NRG3: variants seen among roughly 807,000 people sequenced by gnomAD.
The protein encoded by NRG3 is neuregulin 3.
NRG3 carries 31 observed loss-of-function variants against 66.9 expected under a neutral mutation model. The ratio of observed to expected loss-of-function variants is 0.46; its 90% CI spans 0.35 to 0.63. The LOEUF is 0.63. NRG3 is among the 20% of genes least tolerant of loss of function. The pLI, the probability that NRG3 is intolerant of heterozygous loss-of-function variation, is 0.00. For synonymous variants in NRG3, 393 were observed against 359.4 expected (o/e 1.09, Z -1.06); for missense variants, 910 against 878.9 (o/e 1.04, Z -0.45).
intron 2 of NRG3, among the ~76,000 whole-genome samples, chr10:82,405,009 G>C (rs984746146): frequency 1.3e-5 from 2 of 152,038 alleles, no homozygotes; most frequent in Non-Finnish European, 2.9e-5. Flanking sequence ...TTAGGAGCTG[G>C]GTCTAGAGTG....
At chr10:82,353,461 C>G (rs1391144728) in intron 1 of NRG3, among the ~76,000 whole-genome samples, 1 of 152,146 alleles carries the variant, frequency 6.6e-6, no homozygotes, top group African/African-American at 2.4e-5. Flanking sequence ...AATTCACCAC[C>G]ACCACCTCTC....
In NRG3 at chr10:82,985,481, A is replaced by C. The variant is rs201062015; in HGVS notation, c.1967A>C (p.Glu656Ala). ...RSEDYELASVETEDSASENTA... is the reference protein window; with the variant it reads ...RSEDYELASVATEDSASENTA... ...GAAGACTACGAACTGGCCAGCGTAG[A>C]AACCGAGGACAGTGCAAGCGAAAAC... The change falls in exon 9 of 9, where the codon GAA becomes GCA. Residue 656 changes from glutamate to alanine, a missense_variant. By Grantham distance (107) the Glu-to-Ala change is moderately radical. Coordinates refer to ENST00000372141, the MANE Select transcript of NRG3 (RefSeq NM_001010848.4). The C allele has an allele frequency of 6.2e-7, 1 of 1,614,110 alleles. No individual in the cohort carries two copies. The highest frequency in any genetic ancestry group is 8.5e-7 in the Non-Finnish European group (1 of 1,180,010).
At chr10:82,963,155 C>G (rs1160786423) in intron 6 of NRG3, among the ~76,000 whole-genome samples, 4 of 152,114 alleles carry the variant, frequency 2.6e-5, no homozygotes, top group African/African-American at 7.2e-5. Context: ...AATCTCAAGC[C>G]TACCTAAAGG....
chr10:82,434,688 G>T (rs1450619938), intron 2 of NRG3, among the ~76,000 whole-genome samples: 3 of 152,064 alleles, frequency 2.0e-5, no homozygotes, highest in African/African-American at 7.2e-5. Context: ...GGCTTTTTCT[G>T]CATCTATTGA....
At chr10:82,588,709 G>A (rs2046816044) in intron 2 of NRG3, among the ~76,000 whole-genome samples, 1 of 152,040 alleles carries the variant, frequency 6.6e-6, no homozygotes, top group South Asian at 2.1e-4. Context: ...CACTGTGTTA[G>A]CCAGGATGGT....
intron 3 of NRG3, among the ~76,000 whole-genome samples, chr10:82,862,614 T>A (rs549244515): frequency 2.5e-4 from 38 of 152,296 alleles, no homozygotes; most frequent in Non-Finnish European, 4.1e-4. Flanking sequence ...TCTCTGTCTT[T>A]GAGCAGCCCA....
chr10:82,418,071 T>C (rs2088710484), intron 2 of NRG3, among the ~76,000 whole-genome samples: 1 of 152,216 alleles, frequency 6.6e-6, no homozygotes, highest in South Asian at 2.1e-4. Flanking sequence ...ATTTTAGTGA[T>C]TGAAACATTT....
In NRG3 at chr10:82,720,810, C is replaced by CATATACATATATATATATATAT. The variant is rs571675177; in HGVS notation, c.954-17762_954-17761insCATATATATATATATATATATA. On this transcript the variant is annotated intron_variant, in intron 2 of 8. Transcript: ENST00000372141. Reference sequence around the variant, plus strand: ...AACACATATATAGGAGTATTTTATACATATATATATATATATATATATATA... The same window carrying CATATACATATATATATATATAT: ...AACACATATATAGGAGTATTTTATACATATACATATATATATATATATATATATATATATATATATATATATA... 3.3e-3 allele frequency among the ~76,000 whole-genome samples: 383 copies of CATATACATATATATATATATAT among 114,494 alleles called. 9 individuals carry two copies. The highest frequency in any genetic ancestry group is 0.012 in the African/African-American group (264 of 22,710). The allele number at this position is 114,494 out of a possible 152,430, so 75.1% of individuals were successfully genotyped here.
chr10:82,405,454 G>GTTTTTTTTTTTTTTTTTTTTTT (rs779040062), intron 2 of NRG3, among the ~76,000 whole-genome samples: 2 of 139,920 alleles, frequency 1.4e-5, no homozygotes, highest in Non-Finnish European at 3.0e-5. Context: ...GATCTCAGTA[G>GTTTTTTTTTTTTTTTTTTTTTT]TTTGTTTTTT....
intron 2 of NRG3, among the ~76,000 whole-genome samples, chr10:82,719,419 C>G (rs184493431): frequency 1.3e-4 from 20 of 152,302 alleles, no homozygotes; most frequent in Admixed American, 1.2e-3. Flanking sequence ...GTCAAGCCAG[C>G]TGATCTGTAA....
intron 1 of NRG3, among the ~76,000 whole-genome samples, chr10:82,029,135 G>A (rs1388780164): frequency 2.0e-5 from 3 of 152,032 alleles, no homozygotes; most frequent in African/African-American, 4.8e-5. Context: ...CTTTAACCTG[G>A]GAGGTGGAGG....
chr10:82,110,234 G>GA (rs1433536599), intron 1 of NRG3, among the ~76,000 whole-genome samples: 2 of 152,148 alleles, frequency 1.3e-5, no homozygotes, highest in African/African-American at 4.8e-5. Flanking sequence ...TGGGCCAAGG[G>GA]AAAATCAAAT....
intron 2 of NRG3, among the ~76,000 whole-genome samples, chr10:82,573,224 G>C (rs1004428874): frequency 3.3e-5 from 5 of 151,738 alleles, no homozygotes; most frequent in African/African-American, 1.2e-4. Flanking sequence ...TTGACCTCTG[G>C]AGCAAAGATG....
chr10:82,953,570 T>A (rs1451046508), intron 5 of NRG3, among the ~76,000 whole-genome samples: 1 of 152,028 alleles, frequency 6.6e-6, no homozygotes. Flanking sequence ...TGTCATTTAC[T>A]TGTTATATTT....
At chr10:82,017,592 C>G (rs1296516965) in intron 1 of NRG3, among the ~76,000 whole-genome samples, 3 of 152,086 alleles carry the variant, frequency 2.0e-5, no homozygotes, top group Non-Finnish European at 4.4e-5. Context: ...ACATCCTCTC[C>G]AGCACCTGTT....
At chr10:82,471,348 G>A (rs1841240920) in intron 2 of NRG3, among the ~76,000 whole-genome samples, 1 of 151,950 alleles carries the variant, frequency 6.6e-6, no homozygotes, top group Non-Finnish European at 1.5e-5. Context: ...CCTGTTGGAG[G>A]CTCTCTGGGG....
intron 1 of NRG3, among the ~76,000 whole-genome samples, chr10:82,096,636 T>A (rs1446347933): frequency 6.6e-6 from 1 of 151,916 alleles, no homozygotes; most frequent in East Asian, 1.9e-4. Flanking sequence ...GATAATACAA[T>A]CTCAAAATGA....
intron 1 of NRG3, among the ~76,000 whole-genome samples, chr10:82,013,966 C>A (rs1328764402): frequency 6.6e-6 from 1 of 152,116 alleles, no homozygotes; most frequent in Non-Finnish European, 1.5e-5. Context: ...AGTTCTCAGG[C>A]ATTTACCTTC....
chr10:81,887,382 A>G (rs907814505), intron 1 of NRG3, among the ~76,000 whole-genome samples: 1 of 152,142 alleles, frequency 6.6e-6, no homozygotes, highest in Non-Finnish European at 1.5e-5. Context: ...TAGTATTGCT[A>G]TACAAGGATA....
Sources: allele counts gnomAD v4.1 joint callset (sites outside exome capture counted in the v4.1 genomes callset), GRCh38; gene constraint gnomAD v4.1.1; transcripts MANE v1.5; gene names NCBI Gene and HGNC (gene_info 2026-07-23, HGNC 2026-07-21).